The following TEAD1 variants were observed in gnomAD, a reference collection of about 807,000 sequenced individuals.
The protein encoded by TEAD1 is transcriptional enhancer factor TEF-1.
A neutral mutation model predicts 54.9 loss-of-function variants in TEAD1; 9 were observed. The ratio of observed to expected loss-of-function variants is 0.16; its 90% confidence interval spans 0.10 to 0.29. The LOEUF (loss-of-function observed/expected upper bound fraction) is 0.29. Ranked by LOEUF, TEAD1 falls within the 10% of genes least tolerant of loss-of-function variation. The pLI is 1.00. For synonymous variants in TEAD1, 200 were observed against 187.8 expected (o/e 1.07, Z -0.53); for missense variants, 387 against 535.9 (o/e 0.72, Z 2.74).
At chr11:12,806,516 C>T (rs1946176091) in intron 3 of TEAD1, among the ~76,000 whole-genome samples, 1 of 151,840 alleles carries the variant, frequency 6.6e-6, no homozygotes, top group Non-Finnish European at 1.5e-5. Flanking sequence ...CTCAAAGGCT[C>T]CTCACCCTGG....
chr11:12,884,395 T>G (rs888267827), intron 9 of TEAD1, among the ~76,000 whole-genome samples: 2 of 152,238 alleles, frequency 1.3e-5, no homozygotes, highest in African/African-American at 4.8e-5. Flanking sequence ...AGTCCCATGC[T>G]GTCTGTGTGT....
At chr11:12,748,088 A>G (rs1214571939) in intron 2 of TEAD1, among the ~76,000 whole-genome samples, 1 of 151,890 alleles carries the variant, frequency 6.6e-6, no homozygotes, top group Non-Finnish European at 1.5e-5. Flanking sequence ...CAGCCTCCCA[A>G]GTAGCTGGGA....
intron 2 of TEAD1, among the ~76,000 whole-genome samples, chr11:12,707,839 GA>G (rs1943852651): frequency 6.6e-6 from 1 of 152,208 alleles, no homozygotes; most frequent in African/African-American, 2.4e-5. Context: ...AAGGAAACAG[GA>G]AGATTGTTAG....
intron 11 of TEAD1, among the ~76,000 whole-genome samples, chr11:12,929,065 T>C (rs1351596245): frequency 6.6e-6 from 1 of 152,144 alleles, no homozygotes; most frequent in Non-Finnish European, 1.5e-5. Context: ...CAATGACTGA[T>C]CTATTTGTTG....
intron 3 of TEAD1, among the ~76,000 whole-genome samples, chr11:12,818,362 T>A (rs79788380): frequency 0.059 from 9,043 of 152,278 alleles, 933 homozygotes; most frequent in African/African-American, 0.21. Flanking sequence ...AAAGAGTTTA[T>A]AAATATGTTT....
At chr11:12,840,558 C>T (rs1307339221) in intron 3 of TEAD1, among the ~76,000 whole-genome samples, 1 of 152,150 alleles carries the variant, frequency 6.6e-6, no homozygotes, top group Non-Finnish European at 1.5e-5. Flanking sequence ...AAATAAATGG[C>T]CGTGTCTTAG....
chr11:12,889,581 AAG>A (rs1160798970), intron 9 of TEAD1, among the ~76,000 whole-genome samples: 1 of 152,202 alleles, frequency 6.6e-6, no homozygotes, highest in Non-Finnish European at 1.5e-5. Context: ...GGGGTGGAGA[AAG>A]AGGCAAAGAG....
intron 2 of TEAD1, among the ~76,000 whole-genome samples, chr11:12,743,251 A>G (rs530218788): frequency 1.3e-5 from 2 of 152,372 alleles, no homozygotes; most frequent in South Asian, 4.1e-4. Flanking sequence ...TCAAAGCAAT[A>G]TATGTCGAGC....
intron 3 of TEAD1, among the ~76,000 whole-genome samples, chr11:12,783,496 C>T (rs1047183533): frequency 8.5e-5 from 13 of 152,174 alleles, no homozygotes; most frequent in Non-Finnish European, 1.5e-4. Context: ...ACACCTCTCA[C>T]AGTGTTTTTT....
chr11:12,881,788 A>G, intron 7 of TEAD1, 108 bp from the exon 8 acceptor site: 1 of 1,128,214 alleles, frequency 8.9e-7, no homozygotes, highest in Non-Finnish European at 1.3e-6. Context: ...GCAGGCAGGG[A>G]CCACAGCGGT....
At chr11:12,793,311 T>C (rs756138888) in intron 3 of TEAD1, among the ~76,000 whole-genome samples, 1 of 152,168 alleles carries the variant, frequency 6.6e-6, no homozygotes, top group African/African-American at 2.4e-5. Context: ...TTAAGAACTA[T>C]GATAATATTT....
intron 2 of TEAD1, among the ~76,000 whole-genome samples, chr11:12,688,177 AGG>A: frequency 6.6e-6 from 1 of 152,282 alleles, no homozygotes; most frequent in African/African-American, 2.4e-5. Context: ...CTTCCCACCC[AGG>A]TGACCAGCTT....
chr11:12,691,416 G>C (rs1662524325), intron 2 of TEAD1, among the ~76,000 whole-genome samples: 1 of 152,136 alleles, frequency 6.6e-6, no homozygotes, highest in Admixed American at 6.5e-5. Context: ...TGATGTGTGT[G>C]CTAGGTTCTC....
intron 12 of TEAD1, 137 bp downstream of exon 12, chr11:12,930,463 G>A (rs1208181411): frequency 5.7e-6 from 6 of 1,046,890 alleles, no homozygotes; most frequent in African/African-American, 1.6e-5. Flanking sequence ...CTAGTGGTCA[G>A]TCAGCAGTTG....
chr11:12,718,002 C>T (rs896721747), intron 2 of TEAD1, among the ~76,000 whole-genome samples: 2 of 152,158 alleles, frequency 1.3e-5, no homozygotes, highest in Non-Finnish European at 1.5e-5. Flanking sequence ...GTGAGCAGCA[C>T]GTGAATCTTT....
At chr11:12,835,555 T>C (rs1347182102) in intron 3 of TEAD1, among the ~76,000 whole-genome samples, 11 of 151,598 alleles carry the variant, frequency 7.3e-5, no homozygotes, top group African/African-American at 2.4e-4. Context: ...CCTGGCCTCA[T>C]GTGATCCGCC....
At chr11:12,741,680 ATTAG>A (rs755010800) in intron 2 of TEAD1, among the ~76,000 whole-genome samples, 8 of 152,080 alleles carry the variant, frequency 5.3e-5, no homozygotes, top group Non-Finnish European at 1.0e-4. Context: ...TATTTACCTT[ATTAG>A]TTCTGTGTTG....
chr11:12,682,064 C>T (rs1943234706), intron 2 of TEAD1, among the ~76,000 whole-genome samples: 1 of 152,182 alleles, frequency 6.6e-6, no homozygotes, highest in Non-Finnish European at 1.5e-5. Flanking sequence ...TTCTGAAAGG[C>T]CCCATCATAA....
chr11:12,756,123 G>A (rs1051471205), intron 2 of TEAD1, among the ~76,000 whole-genome samples: 11 of 152,200 alleles, frequency 7.2e-5, no homozygotes, highest in Admixed American at 6.5e-4. Flanking sequence ...CCTCTAATGG[G>A]ATGCTTAGCA....
Sources: allele counts gnomAD v4.1 joint callset (sites outside exome capture counted in the v4.1 genomes callset), GRCh38; gene constraint gnomAD v4.1.1; transcripts MANE v1.5; gene names NCBI Gene and HGNC (gene_info 2026-07-23, HGNC 2026-07-21).